Variants in VPS16 observed in about 807,000 individuals in gnomAD.
VPS16 encodes vacuolar protein sorting-associated protein 16 homolog.
In VPS16, 82 loss-of-function variants were observed where a neutral mutation model predicts 116.0. The ratio of observed to expected loss-of-function variants is 0.71; its 90% confidence interval spans 0.59 to 0.85. The LOEUF is 0.85. Ranked by LOEUF, VPS16 falls within the 40% of genes least tolerant of loss-of-function variation. VPS16 has a pLI of 0.00. For synonymous variants in VPS16, 406 were observed against 420.7 expected, an observed-to-expected ratio of 0.96 and a Z score of 0.43; for missense variants, 928 against 1,090.6, an observed-to-expected ratio of 0.85 and a Z score of 2.10.
At chr20:2,854,795 C>A (rs75778836) in intron 1 of VPS16, among the ~76,000 whole-genome samples, 74 of 130,904 alleles carry the variant, frequency 5.7e-4, no homozygotes, top group African/African-American at 1.0e-3. Flanking sequence ...GACTCCATCT[C>A]AAAAAAAAAA....
chr20:2,845,463 CTATT>C (rs1199684686), intron 1 of VPS16, among the ~76,000 whole-genome samples: 1 of 151,342 alleles, frequency 6.6e-6, no homozygotes, highest in African/African-American at 2.4e-5. Context: ...GGGAGGGCAA[CTATT>C]TAAGTAGTTA....
intron 1 of VPS16, among the ~76,000 whole-genome samples, chr20:2,845,701 G>A (rs1409964199): frequency 1.3e-5 from 2 of 151,836 alleles, no homozygotes; most frequent in African/African-American, 4.8e-5. Flanking sequence ...TCACGTTGTT[G>A]TGCAACCAGT....
rs1031135474 is a variant in VPS16, at chr20:2,857,452, G to T, written c.54-2267G>T. ...AAAATTTTCATTAGATGTATCATTT[G>T]ATATCTTACAGTTTTATCGCCATAA... On this transcript the variant is annotated intron_variant, in intron 1 of 23. Transcript: ENST00000380445. Among the ~76,000 whole-genome samples the T allele has an allele frequency of 6.6e-5, 10 of 151,362 alleles. 1 individual carries two copies. Among genetic ancestry groups the T allele is most frequent in the African/African-American group, 2.4e-4 (10 of 41,322 alleles).
At position 2,847,766 on chromosome 20, in the gene VPS16, C is replaced by T. The variant is rs150384831; in HGVS notation, c.53+6939C>T. On this transcript the variant is annotated intron_variant, in intron 1 of 23. Coordinates refer to ENST00000380445, the MANE Select transcript of VPS16 (RefSeq NM_022575.4). ...TGCTAGGATTACAGGCGTGAGCCAC[C>T]GCACCCAGCCCCGCCCCCTCTCTTA... is the stretch of plus-strand genomic sequence containing the variant. Among the ~76,000 whole-genome samples, 1,520 of 152,124 alleles carry T rather than the reference C, an allele frequency of 1.0e-2. 27 individuals are homozygous for T. The highest frequency in any genetic ancestry group is 0.029 in the South Asian group (141 of 4,808).
At position 2,862,668 on chromosome 20, in the gene VPS16, A is replaced by C. The variant is rs1275988335; in HGVS notation, c.1161A>C (p.Ala387=). 3 of 1,596,186 alleles carry C rather than the reference A, an allele frequency of 1.9e-6. No individual in the cohort carries two copies. The highest frequency in any genetic ancestry group is 2.6e-6 in the Non-Finnish European group (3 of 1,172,614). The stretch of plus-strand genomic sequence containing the variant: ...CCGTGCAGCAGTGCATTGAGGCTGC[A>C]GGACATGAGCACCAGCCAGACATGC... The part of the protein sequence containing the change: ...TQAVQQCIEA[A]GHEHQPDMQK... The change falls in exon 12 of 24, where the codon GCA becomes GCC. Residue 387 remains alanine, a synonymous_variant. Transcript: ENST00000380445.
intron 1 of VPS16, among the ~76,000 whole-genome samples, chr20:2,856,034 T>G (rs6051446): frequency 0.51 from 77,568 of 151,884 alleles, 22,565 homozygotes; most frequent in African/African-American, 0.78. Flanking sequence ...CTAGCTTTTG[T>G]CCTGTCTTGG....
rs766363693 is a variant in VPS16, at chr20:2,864,355, T to C, written c.1721-10T>C. 6.2e-7 allele frequency: 1 copy of C among 1,614,036 alleles called. No homozygotes were observed. The highest frequency in any genetic ancestry group is 2.2e-5 in the East Asian group (1 of 44,874). On this transcript the variant is annotated splice_polypyrimidine_tract_variant and intron_variant, in intron 17 of 23. Coordinates refer to ENST00000380445, the MANE Select transcript of VPS16 (RefSeq NM_022575.4). The surrounding 1 kb of genome is among the most constrained non-coding windows in gnomAD (Gnocchi z 5.2). ...GGCTGGAATTCCCACTCCACCTTAC[T>C]CTCCTGCAGTGTTCACGGTGTTGCT...
At chr20:2,842,992 GTA>G in intron 1 of VPS16, among the ~76,000 whole-genome samples, 1 of 150,070 alleles carries the variant, frequency 6.7e-6, no homozygotes, top group African/African-American at 2.5e-5. Context: ...TAATGAAACT[GTA>G]TACCATTCTC....
chr20:2,849,317 T>TTTGA (rs2089093097), intron 1 of VPS16, among the ~76,000 whole-genome samples: 1 of 151,376 alleles, frequency 6.6e-6, no homozygotes. Context: ...TTTTTTTTTT[T>TTTGA]GAGGCGGAGT....
At chr20:2,846,159 C>T (rs1185947749) in intron 1 of VPS16, among the ~76,000 whole-genome samples, 1 of 141,806 alleles carries the variant, frequency 7.1e-6, no homozygotes, top group Non-Finnish European at 1.5e-5. Flanking sequence ...CTCTGTCGCC[C>T]AGGCTGGAGT....
At position 2,865,385 on chromosome 20, in the gene VPS16, C is replaced by T. The variant is rs759617167; in HGVS notation, c.2175-14C>T. 8.7e-6 allele frequency: 14 copies of T among 1,613,938 alleles called. No homozygotes were observed. Among genetic ancestry groups the T allele is most frequent in the African/African-American group, 4.0e-5 (3 of 74,944 alleles). ...GCCTCTCCTGCAACACCTCCAAGCC[C>T]AGCTTTCCTGCAGGCTCTGGTGGCT... On this transcript the variant is annotated splice_polypyrimidine_tract_variant and intron_variant, in intron 21 of 23. Coordinates refer to ENST00000380445, the MANE Select transcript of VPS16 (RefSeq NM_022575.4). This position sits in a 1 kb window ranked among gnomAD's most constrained non-coding sequence, Gnocchi z 5.2.
intron 1 of VPS16, among the ~76,000 whole-genome samples, chr20:2,854,960 A>ATTTTTTTTTTTTT (rs547295825): frequency 4.5e-5 from 5 of 110,130 alleles, no homozygotes; most frequent in African/African-American, 1.9e-4. Context: ...ATGAGCAGTA[A>ATTTTTTTTTTTTT]TTTTTTTTTT....
intron 1 of VPS16, among the ~76,000 whole-genome samples, chr20:2,844,021 G>A (rs2089034761): frequency 6.6e-6 from 1 of 152,216 alleles, no homozygotes; most frequent in Non-Finnish European, 1.5e-5. Flanking sequence ...AGGAAGCCGA[G>A]GCACAGAGAG....
chr20:2,841,265 G>A (rs1051157438), intron 1 of VPS16: 6 of 204,308 alleles, frequency 2.9e-5, no homozygotes, highest in Admixed American at 2.2e-4. Flanking sequence ...CCGGAACAGC[G>A]GAAGTGGGAA....
chr20:2,862,970 C>T (rs765157974), intron 13 of VPS16, 36 bp downstream of exon 13: 4 of 1,613,668 alleles, frequency 2.5e-6, no homozygotes, highest in South Asian at 1.1e-5. Context: ...ACCCTACAGC[C>T]AGGGGTGGCA....
chr20:2,856,677 A>G (rs1226616974), intron 1 of VPS16, among the ~76,000 whole-genome samples: 1 of 152,218 alleles, frequency 6.6e-6, no homozygotes, highest in Non-Finnish European at 1.5e-5. Context: ...ATAATGAAAT[A>G]GCATTTATTG....
At chr20:2,858,795 G>GTTGTGAT (rs1465954390) in intron 1 of VPS16, among the ~76,000 whole-genome samples, 1 of 152,066 alleles carries the variant, frequency 6.6e-6, no homozygotes, top group Non-Finnish European at 1.5e-5. Flanking sequence ...CTCATGCCTG[G>GTTGTGAT]TTGTGATTTG....
intron 1 of VPS16, among the ~76,000 whole-genome samples, chr20:2,845,200 A>G (rs2089046375): frequency 6.6e-6 from 1 of 152,074 alleles, no homozygotes; most frequent in African/African-American, 2.4e-5. Flanking sequence ...AGAAGGGGCC[A>G]GTCTCAGAGA....
intron 1 of VPS16, among the ~76,000 whole-genome samples, chr20:2,854,852 TGA>T (rs1029127315): frequency 9.9e-5 from 15 of 151,692 alleles, no homozygotes; most frequent in Non-Finnish European, 1.0e-4. Context: ...CCTTGATCCA[TGA>T]GCTGCACAAT....
Sources: allele counts gnomAD v4.1 joint callset (sites outside exome capture counted in the v4.1 genomes callset), GRCh38; gene constraint gnomAD v4.1.1; non-coding constraint Gnocchi (gnomAD v3.1); transcripts MANE v1.5; gene names NCBI Gene and HGNC (gene_info 2026-07-23, HGNC 2026-07-21).